PPM1D: variants seen among roughly 807,000 people sequenced by gnomAD.
PPM1D encodes the protein protein phosphatase, Mg2+/Mn2+ dependent 1D.
PPM1D carries 52 observed loss-of-function variants against 58.3 expected under a neutral mutation model. The ratio of observed to expected loss-of-function variants is 0.89; its 90% CI spans 0.71 to 1.12. The LOEUF (loss-of-function observed/expected upper bound fraction) is 1.12, where lower values mean the gene tolerates loss of function less well. PPM1D is among the 50% of genes most tolerant of loss of function. PPM1D has a pLI of 0.00. For missense variants in PPM1D, 564 were observed against 777.2 expected, an observed-to-expected ratio of 0.73 and a Z score of 3.26; for synonymous variants, 278 against 285.1, an observed-to-expected ratio of 0.98 and a Z score of 0.25.
chr17:60,633,716 C>T lies in PPM1D; in HGVS notation c.702-137C>T, dbSNP rs76711512. On this transcript the variant is annotated intron_variant, in intron 2 of 5. Transcript: ENST00000305921. ...CTCTGAACAGGAATTTTGGCTTATG[C>T]ATCTTTGTATTTGAAACACATAAGA... 0.014 allele frequency: 13,876 copies of T among 982,778 alleles called. 661 individuals carry two copies. The highest frequency in any genetic ancestry group is 0.13 in the African/African-American group (7,867 of 59,874). 60.9% of individuals were successfully genotyped at this position (982,778 alleles called of 1,614,324 possible). A position where few individuals can be genotyped will look rare whatever the true frequency, so the allele number is the denominator to read the frequency against.
At chr17:60,615,580 G>T (rs1170868413) in intron 1 of PPM1D, among the ~76,000 whole-genome samples, 1 of 151,826 alleles carries the variant, frequency 6.6e-6, no homozygotes, top group Non-Finnish European at 1.5e-5. Flanking sequence ...TATAAATTTA[G>T]TGCAGTTTCA....
In PPM1D at chr17:60,620,885, T is replaced by C. The variant is rs1366296004; in HGVS notation, c.473-2636T>C. Among the ~76,000 whole-genome samples, 5 of 152,156 alleles carry C rather than the reference T, an allele frequency of 3.3e-5. No homozygotes were observed. In the East Asian group the frequency reaches 9.6e-4, roughly 29 times the overall value. On this transcript the variant is annotated intron_variant, in intron 1 of 5. Transcript: ENST00000305921. ...GTCGAGATTTTTCCTTATGTTTTTT[T>C]TCTAGGAGTTTTGTGCTTTTTGTTT...
intron 3 of PPM1D, among the ~76,000 whole-genome samples, chr17:60,639,577 A>T (rs1383099437): frequency 6.6e-6 from 1 of 152,148 alleles, no homozygotes; most frequent in Admixed American, 6.5e-5. Context: ...AGCTAGGACT[A>T]CAGGCGCACG....
intron 5 of PPM1D, 112 bp downstream of exon 5, chr17:60,656,953 T>G (rs779779487): frequency 1.3e-6 from 2 of 1,592,362 alleles, no homozygotes; most frequent in Non-Finnish European, 1.7e-6. Flanking sequence ...TGAACTCGAT[T>G]CAAGAAAGTG....
chr17:60,644,834 T>G (rs1017551235), intron 3 of PPM1D, among the ~76,000 whole-genome samples: 5 of 152,164 alleles, frequency 3.3e-5, no homozygotes, highest in African/African-American at 1.2e-4. Flanking sequence ...GTAATAAAAT[T>G]TAAATAAGTA....
At chr17:60,611,577 CCTGA>C (rs1209234570) in intron 1 of PPM1D, among the ~76,000 whole-genome samples, 2 of 151,948 alleles carry the variant, frequency 1.3e-5, no homozygotes, top group East Asian at 1.9e-4. Flanking sequence ...TGCTACAATG[CCTGA>C]CTAATTTTTG....
intron 1 of PPM1D, among the ~76,000 whole-genome samples, chr17:60,605,904 CATAA>C (rs1033808118): frequency 6.6e-5 from 10 of 152,128 alleles, no homozygotes; most frequent in East Asian, 1.9e-4. Flanking sequence ...GACTCTGTCT[CATAA>C]ATAAATAAAT....
chr17:60,649,098 TC>T lies in PPM1D; in HGVS notation c.1017+1022del, dbSNP rs1306536149. The stretch of plus-strand genomic sequence containing the variant: ...TTCTACTACTTTTTTTGTTTTTTTT[TC>T]CCCCCAAGAGATGAGGTGTCACTAT... On this transcript the variant is annotated intron_variant, in intron 4 of 5. Transcript: ENST00000305921. Among the ~76,000 whole-genome samples, 6 of 151,524 alleles carry T rather than the reference TC, an allele frequency of 4.0e-5. No individual in the cohort carries two copies. The South Asian group carries it at 6.3e-4, about 16-fold the overall frequency.
At chr17:60,600,965 C>T in intron 1 of PPM1D, 79 bp downstream of exon 1, 6 of 1,583,118 alleles carry the variant, frequency 3.8e-6, no homozygotes, top group Non-Finnish European at 5.2e-6. Flanking sequence ...CCGCGTGGGC[C>T]CCCGGCACCC....
chr17:60,614,158 A>G (rs529935804), intron 1 of PPM1D, among the ~76,000 whole-genome samples: 20 of 152,270 alleles, frequency 1.3e-4, no homozygotes, highest in Admixed American at 3.3e-4. Context: ...TAAATACACC[A>G]ATCAGCACTC....
intron 2 of PPM1D, among the ~76,000 whole-genome samples, chr17:60,625,842 G>A (rs771582874): frequency 6.6e-6 from 1 of 152,068 alleles, no homozygotes; most frequent in Non-Finnish European, 1.5e-5. Context: ...TATGCCATAC[G>A]TTTATTTTTA....
chr17:60,606,997 T>A (rs28451235), intron 1 of PPM1D, among the ~76,000 whole-genome samples: 21 of 150,866 alleles, frequency 1.4e-4, no homozygotes, highest in East Asian at 3.9e-4. Context: ...TTTTTTTTTT[T>A]AATTTTTTTT....
At chr17:60,629,655 C>T (rs1304753158) in intron 2 of PPM1D, among the ~76,000 whole-genome samples, 1 of 152,056 alleles carries the variant, frequency 6.6e-6, no homozygotes, top group African/African-American at 2.4e-5. Context: ...GCTTATTTAC[C>T]AGTATTATAA....
intron 3 of PPM1D, among the ~76,000 whole-genome samples, chr17:60,640,516 T>TGTG (rs1342466164): frequency 6.6e-6 from 1 of 152,186 alleles, no homozygotes; most frequent in Non-Finnish European, 1.5e-5. Flanking sequence ...ATCCTAGATT[T>TGTG]GTGGGCTTTT....
At chr17:60,609,494 A>G (rs919524340) in intron 1 of PPM1D, among the ~76,000 whole-genome samples, 16 of 152,204 alleles carry the variant, frequency 1.1e-4, no homozygotes, top group African/African-American at 3.6e-4. Context: ...ACTTTGTTCA[A>G]TGTTGAAATA....
In PPM1D at chr17:60,663,366, C is replaced by T. The variant is rs1304742106; in HGVS notation, c.1632C>T (p.Gly544=). ...FKRTLEESNS[G]PLMKKHRRNG... is the part of the protein sequence containing the mutation. ...GGACATTAGAAGAGTCCAATTCTGG[C>T]CCCCTGATGAAGAAGCATAGACGAA... The change falls in exon 6 of 6, where the codon GGC becomes GGT. Residue 544 remains glycine (G), a synonymous_variant. Coordinates refer to ENST00000305921, the MANE Select transcript of PPM1D (RefSeq NM_003620.4). 1.2e-6 allele frequency: 2 copies of T among 1,613,994 alleles called. No homozygotes were observed. Among genetic ancestry groups the T allele is most frequent in the Non-Finnish European group, 1.7e-6 (2 of 1,180,022 alleles).
At chr17:60,640,714 C>G (rs554753068) in intron 3 of PPM1D, among the ~76,000 whole-genome samples, 4 of 152,088 alleles carry the variant, frequency 2.6e-5, no homozygotes, top group African/African-American at 4.8e-5. Context: ...CTAGTGGTCC[C>G]CAGTGTCTAT....
intron 1 of PPM1D, among the ~76,000 whole-genome samples, chr17:60,607,085 C>T (rs1173313732): frequency 6.6e-6 from 1 of 151,696 alleles, no homozygotes; most frequent in Non-Finnish European, 1.5e-5. Flanking sequence ...CCAGCTTGGC[C>T]TCCCAAAATG....
At chr17:60,653,991 T>C (rs557727611) in intron 4 of PPM1D, among the ~76,000 whole-genome samples, 16 of 152,256 alleles carry the variant, frequency 1.1e-4, no homozygotes, top group Admixed American at 5.9e-4. Flanking sequence ...ATTTGACTTA[T>C]TCGTTTCCAG....
Sources: allele counts gnomAD v4.1 joint callset (sites outside exome capture counted in the v4.1 genomes callset), GRCh38; gene constraint gnomAD v4.1.1; transcripts MANE v1.5; gene names NCBI Gene and HGNC (gene_info 2026-07-23, HGNC 2026-07-21).